The following SCN11A variants were observed in gnomAD, a reference collection of about 807,000 sequenced individuals.
The protein encoded by SCN11A is sodium channel protein type 11 subunit alpha.
In SCN11A, 122 loss-of-function variants were observed where a neutral mutation model predicts 162.2. The ratio of observed to expected loss-of-function variants is 0.75; its 90% CI spans 0.65 to 0.87. The LOEUF (loss-of-function observed/expected upper bound fraction) is 0.87, where lower values mean the gene tolerates loss of function less well. Ranked by LOEUF, SCN11A falls within the 40% of genes least tolerant of loss-of-function variation. The pLI is 0.00. For synonymous variants in SCN11A, 758 were observed against 751.5 expected, an observed-to-expected ratio of 1.01 and a Z score of -0.14; for missense variants, 2,015 against 2,181.6, an observed-to-expected ratio of 0.92 and a Z score of 1.52.
At chr3:39,002,387 TGA>T (rs1203022996) in intron 2 of SCN11A, among the ~76,000 whole-genome samples, 1 of 152,212 alleles carries the variant, frequency 6.6e-6, no homozygotes, top group Non-Finnish European at 1.5e-5. Flanking sequence ...TAAAAAGAGC[TGA>T]GTTTCACCAT....
chr3:38,896,744 G>A, intron 18 of SCN11A, 101 bp downstream of exon 18: 2 of 954,824 alleles, frequency 2.1e-6, no homozygotes, highest in Non-Finnish European at 2.9e-6. Flanking sequence ...ATTATATTTA[G>A]AATAATAATT....
intron 2 of SCN11A, among the ~76,000 whole-genome samples, chr3:39,009,745 T>C (rs923165231): frequency 1.3e-5 from 2 of 150,934 alleles, no homozygotes; most frequent in Non-Finnish European, 2.9e-5. Flanking sequence ...AGCATGATTA[T>C]AGCTCACTGC....
At chr3:38,893,298 A>G (rs1411209187) in intron 19 of SCN11A, among the ~76,000 whole-genome samples, 1 of 152,208 alleles carries the variant, frequency 6.6e-6, no homozygotes, top group East Asian at 1.9e-4. Flanking sequence ...AAAAGAACCA[A>G]AATATTGGGA....
At position 38,847,703 on chromosome 3, in the gene SCN11A, G is replaced by C. The variant is rs1385177131; in HGVS notation, c.4367C>G (p.Pro1456Arg). 6.2e-7 allele frequency: 1 copy of C among 1,608,300 alleles called. No individual in the cohort carries two copies. The highest frequency in any genetic ancestry group is 8.5e-7 in the Non-Finnish European group (1 of 1,177,046). Residue 1456 changes from proline to arginine, a missense_variant, in exon 30 of 30, where the codon CCT becomes CGT. Physicochemically the swap from Pro to Arg is moderately radical, Grantham distance 103. Coordinates refer to ENST00000302328, the MANE Select transcript of SCN11A (RefSeq NM_001349253.2). ...ISTLENQEHIPFPPTLFRIVR... is the reference protein window; with the variant it reads ...ISTLENQEHIRFPPTLFRIVR... ...AATTCTGAAGAGCGTCGGAGGGAAA[G>C]GAATGTGCTCCTGATTTTCCAAGGT...
At chr3:39,021,267 T>A (rs1430370699) in intron 2 of SCN11A, among the ~76,000 whole-genome samples, 2 of 152,160 alleles carry the variant, frequency 1.3e-5, no homozygotes, top group African/African-American at 4.8e-5. Flanking sequence ...ATTGGTGAAG[T>A]CTCTAGGTAG....
At chr3:38,908,341 C>T (rs1254742764) in intron 13 of SCN11A, among the ~76,000 whole-genome samples, 1 of 152,194 alleles carries the variant, frequency 6.6e-6, no homozygotes, top group Non-Finnish European at 1.5e-5. Context: ...AGCATTGACT[C>T]TTTCATATCT....
intron 4 of SCN11A, among the ~76,000 whole-genome samples, chr3:38,951,721 ACT>A (rs1357199673): frequency 4.6e-5 from 7 of 152,230 alleles, no homozygotes; most frequent in Middle Eastern, 3.4e-3. Context: ...ACCAATCGAC[ACT>A]CTGTATCTAG....
intron 7 of SCN11A, among the ~76,000 whole-genome samples, chr3:38,934,874 G>A (rs1208663297): frequency 1.4e-4 from 21 of 151,366 alleles, no homozygotes; most frequent in East Asian, 5.8e-4. Flanking sequence ...TGCACCAAGC[G>A]GACCTAATAG....
intron 25 of SCN11A, 136 bp downstream of exon 25, chr3:38,871,309 T>C (rs765269857): frequency 3.6e-5 from 31 of 863,302 alleles, no homozygotes; most frequent in Middle Eastern, 3.1e-4. Context: ...CCAGAAGGCA[T>C]TGGCTTTCAT....
intron 2 of SCN11A, among the ~76,000 whole-genome samples, chr3:38,990,332 G>A (rs988224580): frequency 6.6e-5 from 10 of 152,118 alleles, no homozygotes; most frequent in African/African-American, 9.7e-5. Context: ...CACAGACATG[G>A]AGGCCCTCAC....
At chr3:38,968,028 G>C (rs1309290762) in intron 2 of SCN11A, among the ~76,000 whole-genome samples, 2 of 152,216 alleles carry the variant, frequency 1.3e-5, no homozygotes, top group Non-Finnish European at 2.9e-5. Flanking sequence ...TGCTGGCAGA[G>C]AACAGGGGTG....
intron 28 of SCN11A, among the ~76,000 whole-genome samples, chr3:38,854,506 A>G (rs2064834461): frequency 1.3e-5 from 2 of 152,216 alleles, no homozygotes; most frequent in African/African-American, 4.8e-5. Context: ...TGCATCTCGC[A>G]CTTGGATGGA....
At chr3:38,918,337 T>A (rs1232694832) in intron 11 of SCN11A, among the ~76,000 whole-genome samples, 4 of 152,192 alleles carry the variant, frequency 2.6e-5, no homozygotes, top group Non-Finnish European at 5.9e-5. Context: ...GGAACTAGGC[T>A]GTACAGCAAG....
intron 11 of SCN11A, among the ~76,000 whole-genome samples, chr3:38,915,264 T>G (rs1332328546): frequency 1.3e-5 from 2 of 152,148 alleles, no homozygotes; most frequent in Non-Finnish European, 2.9e-5. Flanking sequence ...CAGTTTTTAA[T>G]GGTTATTTTT....
chr3:38,993,575 T>A (rs544265770), intron 2 of SCN11A, among the ~76,000 whole-genome samples: 1 of 152,334 alleles, frequency 6.6e-6, no homozygotes, highest in Non-Finnish European at 1.5e-5. Context: ...TTCTGGTCAC[T>A]GAAATTTCAT....
intron 28 of SCN11A, among the ~76,000 whole-genome samples, chr3:38,853,552 A>G (rs2064818004): frequency 6.6e-6 from 1 of 152,184 alleles, no homozygotes; most frequent in South Asian, 2.1e-4. Flanking sequence ...CATCAAAAAT[A>G]CTTCATTTTA....
chr3:38,999,115 A>T (rs2125597556), intron 2 of SCN11A, among the ~76,000 whole-genome samples: 1 of 152,362 alleles, frequency 6.6e-6, no homozygotes, highest in African/African-American at 2.4e-5. Flanking sequence ...AAGTCTACTT[A>T]ACATGAATCC....
chr3:39,005,478 A>C (rs1323216495), intron 2 of SCN11A, among the ~76,000 whole-genome samples: 1 of 152,168 alleles, frequency 6.6e-6, no homozygotes, highest in Non-Finnish European at 1.5e-5. Context: ...GCTTCGCATA[A>C]TGAGCCCCAT....
intron 6 of SCN11A, 98 bp downstream of exon 6, chr3:38,946,691 G>T (rs2066521283): frequency 3.8e-6 from 3 of 782,844 alleles, no homozygotes; most frequent in Admixed American, 2.3e-5. Flanking sequence ...TTTGTAGAAA[G>T]AATTAGCTAT....
Sources: allele counts gnomAD v4.1 joint callset (sites outside exome capture counted in the v4.1 genomes callset), GRCh38; gene constraint gnomAD v4.1.1; transcripts MANE v1.5; gene names NCBI Gene and HGNC (gene_info 2026-07-23, HGNC 2026-07-21).